The following AGAP1 variants were observed in gnomAD, a reference collection of about 807,000 sequenced individuals.
AGAP1 encodes the protein ArfGAP with GTPase domain, ankyrin repeat and PH domain 1, also known as arf-GAP with GTPase, ANK repeat and PH domain-containing protein 1.
AGAP1 carries 29 observed loss-of-function variants against 105.3 expected under a neutral mutation model. That is an observed-to-expected ratio of 0.28 (90% CI 0.21 to 0.38). AGAP1 has a LOEUF of 0.38. Among genes scored for constraint, AGAP1 ranks in the 10% least tolerant of loss-of-function variants. The pLI, the probability that AGAP1 is intolerant of heterozygous loss-of-function variation, is 1.00. For synonymous variants in AGAP1, 509 were observed against 485.9 expected (o/e 1.05, Z -0.63); for missense variants, 998 against 1,165.1 (o/e 0.86, Z 2.09).
intron 16 of AGAP1, among the ~76,000 whole-genome samples, chr2:236,088,999 G>A (rs2058995950): frequency 6.6e-6 from 1 of 152,124 alleles, no homozygotes; most frequent in South Asian, 2.1e-4. Flanking sequence ...AGAAAGAACT[G>A]GTTTGTATAA....
chr2:236,067,623 T>C (rs953328807), intron 16 of AGAP1, among the ~76,000 whole-genome samples: 3 of 152,196 alleles, frequency 2.0e-5, no homozygotes, highest in African/African-American at 7.2e-5. Flanking sequence ...TGAAATAATC[T>C]ATGTTACTAT....
At position 235,989,197 on chromosome 2, in the gene AGAP1, T is replaced by A. The variant is rs527319384; in HGVS notation, c.1645+20574T>A. 2.0e-5 allele frequency among the ~76,000 whole-genome samples: 3 copies of A among 152,208 alleles called. No homozygotes were observed. In the South Asian group the frequency reaches 6.2e-4, roughly 31 times the overall value. On this transcript the variant is annotated intron_variant, in intron 13 of 17. Transcript: ENST00000304032. This position sits in a 1 kb window ranked among gnomAD's most constrained non-coding sequence, Gnocchi z 4.4. ...AGCTTGTTGTCTGTGGTGTCTTCCTTCTTCCCTGGAATTAGATATTTTTCG... is the reference window on the plus strand; with the variant it reads ...AGCTTGTTGTCTGTGGTGTCTTCCTACTTCCCTGGAATTAGATATTTTTCG...
rs2058745452 is a variant in AGAP1, at chr2:236,080,205, G to A, written c.2114+30924G>A. On this transcript the variant is annotated intron_variant, in intron 16 of 17. Transcript: ENST00000304032. The surrounding 1 kb of genome is among the most constrained non-coding windows in gnomAD (Gnocchi z 4.2). ...TCTCCATCATCCAAGGCTGTTTCCT[G>A]TGCATGTTCTTGGAAAGATAGTTGG... 6.6e-6 allele frequency among the ~76,000 whole-genome samples: 1 copy of A among 152,194 alleles called. No individual in the cohort carries two copies. The highest frequency in any genetic ancestry group is 2.1e-4 in the South Asian group (1 of 4,832).
chr2:235,695,404 T>C (rs1336879250), intron 1 of AGAP1, among the ~76,000 whole-genome samples: 1 of 152,216 alleles, frequency 6.6e-6, no homozygotes, highest in Non-Finnish European at 1.5e-5. Flanking sequence ...CAGAGATAGC[T>C]GCTGTTGTCA....
At position 235,642,341 on chromosome 2, in the gene AGAP1, G is replaced by T. The variant is rs1246112227; in HGVS notation, c.164-66838G>T. Among the ~76,000 whole-genome samples the T allele has an allele frequency of 1.3e-5, 2 of 152,232 alleles. No individual in the cohort carries two copies. Among genetic ancestry groups the T allele is most frequent in the Admixed American group, 1.3e-4 (2 of 15,286 alleles). Reference sequence around the variant, plus strand: ...CTCTGCACTCAACCTCCTGGGACCTGGGGCTGCACCCACTGGCATTGATTA... The same window carrying T: ...CTCTGCACTCAACCTCCTGGGACCTTGGGCTGCACCCACTGGCATTGATTA... On this transcript the variant is annotated intron_variant, in intron 1 of 17. Coordinates refer to ENST00000304032, the MANE Select transcript of AGAP1 (RefSeq NM_001037131.3). This position sits in a 1 kb window ranked among gnomAD's most constrained non-coding sequence, Gnocchi z 4.1.
intron 12 of AGAP1, among the ~76,000 whole-genome samples, chr2:235,946,749 G>T (rs1392059374): frequency 6.6e-6 from 1 of 152,116 alleles, no homozygotes; most frequent in African/African-American, 2.4e-5. Flanking sequence ...AAATCGCCAG[G>T]CGTCATTGTT....
chr2:235,970,502 C>G lies in AGAP1; in HGVS notation c.1645+1879C>G, dbSNP rs946106526. Among the ~76,000 whole-genome samples, 1 of 152,214 alleles carries G rather than the reference C, an allele frequency of 6.6e-6. No individual in the cohort carries two copies. Among genetic ancestry groups the G allele is most frequent in the African/African-American group, 2.4e-5 (1 of 41,454 alleles). ...CTGTACCCTCCACGCCCCTAAGGTG[C>G]ACACACAGGGGCGGGCGCCAGATTC... On this transcript the variant is annotated intron_variant, in intron 13 of 17. Coordinates refer to ENST00000304032, the MANE Select transcript of AGAP1 (RefSeq NM_001037131.3). The surrounding 1 kb of genome is among the most constrained non-coding windows in gnomAD (Gnocchi z 5.4).
chr2:235,657,586 TG>T (rs1486893903), intron 1 of AGAP1, among the ~76,000 whole-genome samples: 1 of 152,174 alleles, frequency 6.6e-6, no homozygotes, highest in Non-Finnish European at 1.5e-5. Flanking sequence ...TTCACCATGT[TG>T]GCCAGGCTGG....
At chr2:235,820,142 T>G (rs1958710177) in intron 9 of AGAP1, among the ~76,000 whole-genome samples, 1 of 152,136 alleles carries the variant, frequency 6.6e-6, no homozygotes, top group African/African-American at 2.4e-5. Flanking sequence ...TCAGGTGATC[T>G]GCCTGCCTCG....
Position 235,659,067 on chromosome 2 carries a change from C to A in AGAP1, c.164-50112C>A, listed in dbSNP as rs1470062172. On this transcript the variant is annotated intron_variant, in intron 1 of 17. Transcript: ENST00000304032. This position sits in a 1 kb window ranked among gnomAD's most constrained non-coding sequence, Gnocchi z 5.0. ...ATTGTTCCCGCCCTGCCAACTTCCA[C>A]GCCAGCCTCCTTTTGCAAGTCCACC... Among the ~76,000 whole-genome samples the A allele has an allele frequency of 6.6e-6, 1 of 152,192 alleles. No individual in the cohort carries two copies. Among genetic ancestry groups the A allele is most frequent in the Non-Finnish European group, 1.5e-5 (1 of 68,048 alleles).
In AGAP1 at chr2:235,689,125, G is replaced by A. The variant is rs1480388766; in HGVS notation, c.164-20054G>A. 1.3e-5 allele frequency among the ~76,000 whole-genome samples: 2 copies of A among 152,242 alleles called. No homozygotes were observed. Among genetic ancestry groups the A allele is most frequent in the African/African-American group, 2.4e-5 (1 of 41,454 alleles). ...TAGAGCAATGAAGAAATAAGCCCAA[G>A]GCTATCCCATGAGTTAGGGGCTTCA... On this transcript the variant is annotated intron_variant, in intron 1 of 17. Transcript: ENST00000304032. This position sits in a 1 kb window ranked among gnomAD's most constrained non-coding sequence, Gnocchi z 4.2.
intron 5 of AGAP1, among the ~76,000 whole-genome samples, chr2:235,746,030 G>A (rs1484809690): frequency 6.6e-6 from 1 of 152,294 alleles, no homozygotes; most frequent in Middle Eastern, 3.4e-3. Flanking sequence ...GGAGGCTGAG[G>A]CAGGAGGATC....
At position 236,080,549 on chromosome 2, in the gene AGAP1, G is replaced by C. The variant is rs1576255482; in HGVS notation, c.2114+31268G>C. 6.6e-6 allele frequency among the ~76,000 whole-genome samples: 1 copy of C among 152,218 alleles called. No homozygotes were observed. The highest frequency in any genetic ancestry group is 1.5e-5 in the Non-Finnish European group (1 of 68,034). On this transcript the variant is annotated intron_variant, in intron 16 of 17. Coordinates refer to ENST00000304032, the MANE Select transcript of AGAP1 (RefSeq NM_001037131.3). This position sits in a 1 kb window ranked among gnomAD's most constrained non-coding sequence, Gnocchi z 4.2. Reference sequence around the variant, plus strand: ...CAAGGGCAGCCACCTGCTGTATCTTGTACACGTTTCATCCATCCAGCTTTT... The same window carrying C: ...CAAGGGCAGCCACCTGCTGTATCTTCTACACGTTTCATCCATCCAGCTTTT...
chr2:235,665,427 C>T lies in AGAP1; in HGVS notation c.164-43752C>T, dbSNP rs978407305. ...TCTCTTTTACAGTTCCACGTTTAAC[C>T]TTCAGCTTTTAAAACGAGAGAAATA... On this transcript the variant is annotated intron_variant, in intron 1 of 17. Coordinates refer to ENST00000304032, the MANE Select transcript of AGAP1 (RefSeq NM_001037131.3). This position sits in a 1 kb window ranked among gnomAD's most constrained non-coding sequence, Gnocchi z 5.3. Among the ~76,000 whole-genome samples, 2 of 152,132 alleles carry T rather than the reference C, an allele frequency of 1.3e-5. No homozygotes were observed. Among genetic ancestry groups the T allele is most frequent in the African/African-American group, 4.8e-5 (2 of 41,436 alleles).
At chr2:235,598,341 A>T (rs541403081) in intron 1 of AGAP1, among the ~76,000 whole-genome samples, 20 of 152,310 alleles carry the variant, frequency 1.3e-4, no homozygotes, top group Admixed American at 5.9e-4. Context: ...ACTTATTTTT[A>T]CATGTATGTA....
rs1306468670 is a variant in AGAP1 at position 235,981,854 on chromosome 2, C to T, written c.1645+13231C>T. Among the ~76,000 whole-genome samples, 3 of 152,314 alleles carry T rather than the reference C, an allele frequency of 2.0e-5. No homozygotes were observed. The East Asian group carries it at 5.8e-4, about 29-fold the overall frequency. On this transcript the variant is annotated intron_variant, in intron 13 of 17. Coordinates refer to ENST00000304032, the MANE Select transcript of AGAP1 (RefSeq NM_001037131.3). This position sits in a 1 kb window ranked among gnomAD's most constrained non-coding sequence, Gnocchi z 5.5. ...GCTCGCCGCCTCTAACACATCTCCA[C>T]GGTGACCTTCCCTTCCCTTGGAAGG...
chr2:235,713,962 G>A (rs1002405232), intron 2 of AGAP1, among the ~76,000 whole-genome samples: 1 of 152,052 alleles, frequency 6.6e-6, no homozygotes, highest in Non-Finnish European at 1.5e-5. Context: ...GCCACACCTC[G>A]TAATACAATC....
rs1426831403 is a variant in AGAP1, at chr2:235,970,056, G to A, written c.1645+1433G>A. 6.6e-6 allele frequency among the ~76,000 whole-genome samples: 1 copy of A among 152,020 alleles called. No homozygotes were observed. The highest frequency in any genetic ancestry group is 2.4e-5 in the African/African-American group (1 of 41,388). ...GTCTCTACTAAAAATACAAAAATTA[G>A]CTGGATGTGGTGGCACATGCCTGTA... On this transcript the variant is annotated intron_variant, in intron 13 of 17. Coordinates refer to ENST00000304032, the MANE Select transcript of AGAP1 (RefSeq NM_001037131.3). This position sits in a 1 kb window ranked among gnomAD's most constrained non-coding sequence, Gnocchi z 5.4.
At chr2:236,099,045 G>A (rs534004734) in intron 16 of AGAP1, among the ~76,000 whole-genome samples, 12 of 152,138 alleles carry the variant, frequency 7.9e-5, no homozygotes, top group South Asian at 4.2e-4. Flanking sequence ...CCTCCCCAGC[G>A]GGGGAGCCAG....
Sources: allele counts gnomAD v4.1 joint callset (sites outside exome capture counted in the v4.1 genomes callset), GRCh38; gene constraint gnomAD v4.1.1; non-coding constraint Gnocchi (gnomAD v3.1); transcripts MANE v1.5; gene names NCBI Gene and HGNC (gene_info 2026-07-23, HGNC 2026-07-21).